Variants in RBMS3 observed in about 807,000 individuals in gnomAD.
RBMS3 encodes the protein RNA-binding motif, single-stranded-interacting protein 3.
Under a neutral mutation model 66.8 loss-of-function variants are expected in RBMS3, and 27 were observed. The observed-to-expected ratio is 0.40, with a 90% CI of 0.30 to 0.56. RBMS3 has a LOEUF of 0.56. Among genes scored for constraint, RBMS3 ranks in the 20% least tolerant of loss-of-function variants. The probability of loss-of-function intolerance (pLI) is 0.40; values close to 1 mark genes in which losing one functional copy is unlikely to be tolerated. For missense variants in RBMS3, 513 were observed against 549.5 expected, an observed-to-expected ratio of 0.93 and a Z score of 0.66; for synonymous variants, 188 against 183.0, an observed-to-expected ratio of 1.03 and a Z score of -0.22.
At chr3:29,368,671 A>T (rs2038034765) in intron 1 of RBMS3, among the ~76,000 whole-genome samples, 1 of 152,038 alleles carries the variant, frequency 6.6e-6, no homozygotes, top group Non-Finnish European at 1.5e-5. Flanking sequence ...GTCTTTTTTT[A>T]AAAATCTCAC....
intron 1 of RBMS3, among the ~76,000 whole-genome samples, chr3:29,304,927 A>G (rs1401395653): frequency 6.6e-6 from 1 of 151,840 alleles, no homozygotes; most frequent in Non-Finnish European, 1.5e-5. Context: ...CTACCATAAC[A>G]ATATATATCC....
At chr3:29,601,124 A>G (rs1348243820) in intron 4 of RBMS3, among the ~76,000 whole-genome samples, 2 of 151,758 alleles carry the variant, frequency 1.3e-5, no homozygotes, top group African/African-American at 4.8e-5. Flanking sequence ...ATAAAATAGC[A>G]TAACATACAA....
chr3:29,683,765 T>C (rs182329862), intron 4 of RBMS3, among the ~76,000 whole-genome samples: 4 of 152,216 alleles, frequency 2.6e-5, no homozygotes, highest in Non-Finnish European at 4.4e-5. Flanking sequence ...TTCTTTCTTA[T>C]CACTTTTTAA....
chr3:29,860,584 T>C (rs1021059725), intron 6 of RBMS3, among the ~76,000 whole-genome samples: 5 of 152,236 alleles, frequency 3.3e-5, no homozygotes, highest in East Asian at 1.9e-4. Context: ...GTCTCTATTA[T>C]AGCAGCCATT....
At chr3:29,468,838 G>A (rs1012449398) in intron 2 of RBMS3, among the ~76,000 whole-genome samples, 3 of 151,852 alleles carry the variant, frequency 2.0e-5, no homozygotes, top group Admixed American at 2.0e-4. Context: ...AAAATCTTAT[G>A]GAGACAGAAC....
intron 3 of RBMS3, among the ~76,000 whole-genome samples, chr3:29,511,378 T>A (rs954505698): frequency 6.6e-6 from 1 of 152,216 alleles, no homozygotes; most frequent in Non-Finnish European, 1.5e-5. Context: ...ACAGTGATCC[T>A]AATAAGGTAT....
At chr3:29,319,499 G>A (rs552311775) in intron 1 of RBMS3, among the ~76,000 whole-genome samples, 158 of 152,108 alleles carry the variant, frequency 1.0e-3, no homozygotes, top group African/African-American at 3.7e-3. Flanking sequence ...AATGCCGTAA[G>A]GGAGGCATAA....
intron 4 of RBMS3, among the ~76,000 whole-genome samples, chr3:29,618,145 T>C (rs2048731237): frequency 1.3e-5 from 2 of 152,188 alleles, no homozygotes; most frequent in South Asian, 4.1e-4. Flanking sequence ...CATTTATCCC[T>C]ATTTCAAGGA....
At chr3:29,339,249 A>G (rs1362128722) in intron 1 of RBMS3, among the ~76,000 whole-genome samples, 2 of 152,178 alleles carry the variant, frequency 1.3e-5, no homozygotes, top group Non-Finnish European at 2.9e-5. Context: ...AATTCACTTC[A>G]TTATCCTTGT....
chr3:29,677,898 C>G (rs2051322913), intron 4 of RBMS3, among the ~76,000 whole-genome samples: 1 of 152,146 alleles, frequency 6.6e-6, no homozygotes. Context: ...CTGTCACATA[C>G]CAGCTCTGTG....
intron 10 of RBMS3, among the ~76,000 whole-genome samples, chr3:29,922,443 C>T (rs181349375): frequency 1.5e-4 from 22 of 144,038 alleles, no homozygotes; most frequent in African/African-American, 5.7e-4. Flanking sequence ...GCCGAGATTG[C>T]GCCACTGCAG....
rs146583070 is a variant in RBMS3 at position 29,784,285 on chromosome 3, CA to C, written c.637+21297del. On this transcript the variant is annotated intron_variant, in intron 6 of 14. Transcript: ENST00000383767. ...ACATGGAGCATTCTCCAAGATAGAC[CA>C]CAAAGCAAGTCTCAATACATTTAAG... 7.1e-3 allele frequency among the ~76,000 whole-genome samples: 1,082 copies of C among 152,064 alleles called. 14 individuals carry two copies. Among genetic ancestry groups the C allele is most frequent in the African/African-American group, 0.025 (1,040 of 41,534 alleles).
chr3:29,468,704 T>C (rs1440710835), intron 2 of RBMS3, among the ~76,000 whole-genome samples: 3 of 152,190 alleles, frequency 2.0e-5, no homozygotes, highest in Non-Finnish European at 4.4e-5. Context: ...TAAAATTGGC[T>C]TCCTTTTTCT....
At chr3:29,981,402 C>A (rs1697983789) in intron 12 of RBMS3, among the ~76,000 whole-genome samples, 1 of 152,228 alleles carries the variant, frequency 6.6e-6, no homozygotes, top group South Asian at 2.1e-4. Flanking sequence ...TCCTCTCTTC[C>A]TATTTGAATG....
intron 6 of RBMS3, among the ~76,000 whole-genome samples, chr3:29,786,483 G>T (rs1373013229): frequency 6.6e-6 from 1 of 152,072 alleles, no homozygotes; most frequent in Non-Finnish European, 1.5e-5. Flanking sequence ...CATGGTACTG[G>T]GATAAAAATA....
chr3:29,785,296 C>G (rs529586104), intron 6 of RBMS3, among the ~76,000 whole-genome samples: 1 of 152,200 alleles, frequency 6.6e-6, no homozygotes, highest in South Asian at 2.1e-4. Flanking sequence ...AATCCAACAG[C>G]TTATCAAAAA....
At chr3:29,910,981 G>A (rs1465392049) in intron 10 of RBMS3, among the ~76,000 whole-genome samples, 1 of 151,868 alleles carries the variant, frequency 6.6e-6, no homozygotes, top group Non-Finnish European at 1.5e-5. Flanking sequence ...TAGAACAATT[G>A]GTTTCCCTCC....
chr3:29,660,714 C>G (rs921397411), intron 4 of RBMS3, among the ~76,000 whole-genome samples: 6 of 152,138 alleles, frequency 3.9e-5, no homozygotes, highest in African/African-American at 9.7e-5. Flanking sequence ...CTTTCCAGAT[C>G]TTTTCTGCAC....
chr3:29,816,773 T>C (rs1340150792), intron 6 of RBMS3, among the ~76,000 whole-genome samples: 1 of 152,142 alleles, frequency 6.6e-6, no homozygotes, highest in Non-Finnish European at 1.5e-5. Context: ...AAGACATGCT[T>C]GATCCCAACT....
Sources: allele counts gnomAD v4.1 joint callset (sites outside exome capture counted in the v4.1 genomes callset), GRCh38; gene constraint gnomAD v4.1.1; transcripts MANE v1.5; gene names NCBI Gene and HGNC (gene_info 2026-07-23, HGNC 2026-07-21).